Variants in IFI27L1 observed in about 807,000 individuals in gnomAD.
IFI27L1 encodes interferon alpha-inducible protein 27-like protein 1.
IFI27L1 carries 3 observed loss-of-function variants against 9.2 expected under a neutral mutation model. The ratio of observed to expected loss-of-function variants is 0.32; its 90% CI spans 0.15 to 0.84. IFI27L1 has a LOEUF of 0.84. Ranked by LOEUF, IFI27L1 falls within the 40% of genes least tolerant of loss-of-function variation. IFI27L1 has a pLI of 0.56. For missense variants in IFI27L1, 133 were observed against 134.2 expected (o/e 0.99, Z 0.05); for synonymous variants, 53 against 50.0 (o/e 1.06, Z -0.26).
Position 94,085,509 on chromosome 14 carries a change from A to G in IFI27L1, c.-52+4060A>G, listed in dbSNP as rs1039757581. Reference sequence around the variant, plus strand: ...CATACACATACCTTTCATATAGTATAAATATGAAAAGGTGATAAGTTGGGG... The same window carrying G: ...CATACACATACCTTTCATATAGTATGAATATGAAAAGGTGATAAGTTGGGG... On this transcript the variant is annotated intron_variant, in intron 1 of 4. Coordinates refer to ENST00000555523, the MANE Select transcript of IFI27L1 (RefSeq NM_206949.3). Among the ~76,000 whole-genome samples the G allele has an allele frequency of 1.5e-4, 23 of 152,338 alleles. No homozygotes were observed. The South Asian group carries it at 4.8e-3, about 32-fold the overall frequency.
chr14:94,091,864 C>T (rs569564895), intron 1 of IFI27L1, among the ~76,000 whole-genome samples: 1 of 151,824 alleles, frequency 6.6e-6, no homozygotes, highest in South Asian at 2.1e-4. Context: ...TGGCTCACAC[C>T]TGTAATCCCA....
chr14:94,088,724 C>T (rs149457495), intron 1 of IFI27L1, among the ~76,000 whole-genome samples: 1,595 of 152,256 alleles, frequency 0.01, 23 homozygotes, highest in Non-Finnish European at 0.013. Flanking sequence ...AATGTTACCT[C>T]CTTTAAATCT....
chr14:94,086,527 C>G (rs573283577), intron 1 of IFI27L1, among the ~76,000 whole-genome samples: 1 of 152,228 alleles, frequency 6.6e-6, no homozygotes, highest in Admixed American at 6.5e-5. Context: ...CGGATCCATT[C>G]TATTTAGGAC....
chr14:94,099,651 G>T (rs111686083), intron 2 of IFI27L1, among the ~76,000 whole-genome samples: 1 of 152,098 alleles, frequency 6.6e-6, no homozygotes, highest in Admixed American at 6.5e-5. Context: ...GATTTCTGTT[G>T]TTTGAAGCCA....
At chr14:94,089,128 A>G (rs189948778) in intron 1 of IFI27L1, 2 of 152,264 alleles carry the variant, frequency 1.3e-5, no homozygotes, top group Admixed American at 1.3e-4. Flanking sequence ...AGAGGTCCCG[A>G]TGCATATCCT....
chr14:94,082,457 A>G (rs749657966), intron 1 of IFI27L1, among the ~76,000 whole-genome samples: 2 of 152,256 alleles, frequency 1.3e-5, no homozygotes, highest in Non-Finnish European at 2.9e-5. Flanking sequence ...GCAAGTAGTC[A>G]ATGTAGACAA....
At chr14:94,093,510 C>T (rs1205198640) in intron 1 of IFI27L1, among the ~76,000 whole-genome samples, 4 of 152,110 alleles carry the variant, frequency 2.6e-5, no homozygotes, top group Non-Finnish European at 5.9e-5. Context: ...GTATGGAGAA[C>T]ATCCCTCCAT....
rs761219558 is a variant in IFI27L1 at position 94,101,968 on chromosome 14, G to A, written c.216G>A (p.Gln72=). The change falls in exon 4 of 5, where the codon CAG becomes CAA. Residue 72 remains glutamine, a synonymous_variant. Transcript: ENST00000555523. ...VAAGSLVAIL[Q]SVGAAGLSVT... ...CTGGCAGTCTGGTGGCTATTCTGCA[G>A]TCAGTGGGTGAGTGTTCTGGACAGG... 8 of 1,614,134 alleles carry A rather than the reference G, an allele frequency of 5.0e-6. No individual in the cohort carries two copies. Among genetic ancestry groups the A allele is most frequent in the Middle Eastern group, 1.6e-4 (1 of 6,084 alleles).
chr14:94,095,943 A>G (rs1408709489), intron 1 of IFI27L1, among the ~76,000 whole-genome samples: 1 of 152,228 alleles, frequency 6.6e-6, no homozygotes, highest in Admixed American at 6.5e-5. Flanking sequence ...GGCAGAAAGA[A>G]TATAGTGGAC....
chr14:94,093,781 T>G (rs761271271), intron 1 of IFI27L1, among the ~76,000 whole-genome samples: 1 of 152,222 alleles, frequency 6.6e-6, no homozygotes, highest in Non-Finnish European at 1.5e-5. Context: ...GTTTCTGTCC[T>G]TTTCCCCTAC....
chr14:94,100,443 T>C, intron 2 of IFI27L1: 1 of 984,938 alleles, frequency 1.0e-6, no homozygotes, highest in Non-Finnish European at 1.2e-6. Flanking sequence ...TCAACACAAC[T>C]CAGGAGGCCC....
At chr14:94,087,488 G>T (rs912324613) in intron 1 of IFI27L1, among the ~76,000 whole-genome samples, 1 of 152,248 alleles carries the variant, frequency 6.6e-6, no homozygotes, top group East Asian at 1.9e-4. Context: ...GTGCAGTGGC[G>T]CATCTCGGCT....
intron 2 of IFI27L1, among the ~76,000 whole-genome samples, chr14:94,098,466 C>T (rs1038100057): frequency 6.6e-6 from 1 of 152,184 alleles, no homozygotes; most frequent in Non-Finnish European, 1.5e-5. Flanking sequence ...TCCAGTATGA[C>T]CACATCTTCA....
At position 94,098,650 on chromosome 14, in the gene IFI27L1, C is replaced by T. The variant is rs955386181; in HGVS notation, c.28+1685C>T. On this transcript the variant is annotated intron_variant, in intron 2 of 4. Transcript: ENST00000555523. ...GCTGAGAGCTGGGAACGTTGAGGCC[C>T]GAGAGGGAGGGCTCTGGATGGGCAC... Among the ~76,000 whole-genome samples, 9 of 152,020 alleles carry T rather than the reference C, an allele frequency of 5.9e-5. No homozygotes were observed. In the South Asian group the frequency reaches 1.2e-3, roughly 21 times the overall value.
intron 1 of IFI27L1, among the ~76,000 whole-genome samples, chr14:94,085,554 A>ACATC (rs1349788680): frequency 6.6e-6 from 1 of 152,184 alleles, no homozygotes; most frequent in Non-Finnish European, 1.5e-5. Flanking sequence ...TTTCGGCGAA[A>ACATC]CATCCCACAG....
At chr14:94,082,290 G>A (rs892141652) in intron 1 of IFI27L1, among the ~76,000 whole-genome samples, 3 of 151,686 alleles carry the variant, frequency 2.0e-5, no homozygotes, top group African/African-American at 7.3e-5. Flanking sequence ...AGCTATAGAA[G>A]TTTGAAGCTA....
rs911159980 is a variant in IFI27L1, at chr14:94,102,662, C to T, written c.*94C>T. 9 of 639,462 alleles carry T rather than the reference C, an allele frequency of 1.4e-5. No individual in the cohort carries two copies. The African/African-American group carries it at 1.7e-4, about 12-fold the overall frequency. 39.6% of individuals were successfully genotyped at this position (639,462 alleles called of 1,614,324 possible). On this transcript the variant is annotated 3_prime_UTR_variant, in exon 5 of 5. Coordinates refer to ENST00000555523, the MANE Select transcript of IFI27L1 (RefSeq NM_206949.3). ...CTTCCAAAGGACAAGTCTCCTACTC[C>T]CAAAACTATTTAAGGAAGCATGAAA...
intron 1 of IFI27L1, among the ~76,000 whole-genome samples, chr14:94,084,996 G>T (rs913422485): frequency 2.7e-5 from 4 of 150,588 alleles, no homozygotes; most frequent in Admixed American, 6.6e-5. Flanking sequence ...ACCCTGTGTG[G>T]GGGAAAAAAA....
intron 2 of IFI27L1, among the ~76,000 whole-genome samples, chr14:94,100,011 C>G (rs1232697298): frequency 6.6e-6 from 1 of 152,106 alleles, no homozygotes; most frequent in Admixed American, 6.5e-5. Context: ...TAAATAGCCA[C>G]ACATAGCTAG....
Sources: gnomAD v4.1 joint callset for allele counts (sites outside exome capture counted in the v4.1 genomes callset) on GRCh38, gnomAD v4.1.1 for gene constraint, MANE v1.5 for transcripts, NCBI Gene and HGNC (gene_info 2026-07-23, HGNC 2026-07-21) for gene names.